Variants in CSMD1 observed in about 807,000 individuals in gnomAD.
The protein encoded by CSMD1 is CUB and sushi domain-containing protein 1.
Under a neutral mutation model 417.5 loss-of-function variants are expected in CSMD1, and 213 were observed. The observed-to-expected ratio is 0.51, with a 90% CI of 0.46 to 0.57. CSMD1 has a LOEUF of 0.57. Among genes scored for constraint, CSMD1 ranks in the 20% least tolerant of loss-of-function variants. The probability of loss-of-function intolerance (pLI) is 0.00; values close to 1 mark genes in which losing one functional copy is unlikely to be tolerated. For synonymous variants in CSMD1, 2,862 were observed against 1,736.8 expected, an observed-to-expected ratio of 1.65 and a Z score of -16.11; for missense variants, 6,923 against 4,529.7, an observed-to-expected ratio of 1.53 and a Z score of -15.17.
intron 41 of CSMD1, among the ~76,000 whole-genome samples, chr8:3,123,073 GT>G (rs1262080733): frequency 6.6e-6 from 1 of 152,138 alleles, no homozygotes; most frequent in Non-Finnish European, 1.5e-5. Flanking sequence ...ATGATTGATT[GT>G]TTTTGTTGTT....
intron 18 of CSMD1, among the ~76,000 whole-genome samples, chr8:3,377,943 T>C (rs1810411558): frequency 6.6e-6 from 1 of 152,314 alleles, no homozygotes; most frequent in South Asian, 2.1e-4. Context: ...AGCTGAATAT[T>C]AAAAGAATTG....
intron 8 of CSMD1, among the ~76,000 whole-genome samples, chr8:3,610,895 T>A (rs914972478): frequency 6.6e-6 from 1 of 151,948 alleles, no homozygotes; most frequent in African/African-American, 2.4e-5. Context: ...CCATTGACAG[T>A]GCAGAAACAA....
intron 3 of CSMD1, among the ~76,000 whole-genome samples, chr8:4,387,287 G>A (rs1803516041): frequency 6.6e-6 from 1 of 151,990 alleles, no homozygotes; most frequent in South Asian, 2.1e-4. Flanking sequence ...TTTAAATTAA[G>A]TCACTCTACT....
chr8:4,832,003 A>G lies in CSMD1; in HGVS notation c.85+162329T>C, dbSNP rs192916133. 6.0e-3 allele frequency among the ~76,000 whole-genome samples: 909 copies of G among 152,314 alleles called. 10 individuals are homozygous for G. The highest frequency in any genetic ancestry group is 0.021 in the African/African-American group (881 of 41,576). On this transcript the variant is annotated intron_variant, in intron 1 of 69. Coordinates refer to ENST00000635120, the MANE Select transcript of CSMD1 (RefSeq NM_033225.6). Reference sequence around the variant, plus strand: ...CCAAATTCCCACTGCACACATAGTCACTTTCAAAAGGAGCTTCCTCCAAGC... The same window carrying G: ...CCAAATTCCCACTGCACACATAGTCGCTTTCAAAAGGAGCTTCCTCCAAGC...
chr8:4,657,137 T>C (rs142243225), intron 1 of CSMD1, among the ~76,000 whole-genome samples: 9 of 152,268 alleles, frequency 5.9e-5, no homozygotes, highest in Non-Finnish European at 1.2e-4. Context: ...CATCCCTGCA[T>C]AGTGGGAAAC....
chr8:3,831,279 G>A (rs940578498), intron 5 of CSMD1, among the ~76,000 whole-genome samples: 7 of 152,246 alleles, frequency 4.6e-5, no homozygotes, highest in Admixed American at 4.6e-4. Context: ...CTGCTCGTCA[G>A]GGGAGCTGCC....
At chr8:4,165,242 G>C (rs1489575851) in intron 3 of CSMD1, among the ~76,000 whole-genome samples, 1 of 152,180 alleles carries the variant, frequency 6.6e-6, no homozygotes, top group East Asian at 1.9e-4. Flanking sequence ...CTTTTCAAAA[G>C]GACATGGAGG....
At chr8:4,360,478 C>T (rs1219734862) in intron 3 of CSMD1, among the ~76,000 whole-genome samples, 1 of 152,102 alleles carries the variant, frequency 6.6e-6, no homozygotes, top group Admixed American at 6.5e-5. Flanking sequence ...TTTTTTCTTG[C>T]ACATACTTCC....
intron 48 of CSMD1, among the ~76,000 whole-genome samples, chr8:3,089,194 G>C (rs910289257): frequency 1.3e-5 from 2 of 152,214 alleles, no homozygotes; most frequent in East Asian, 3.8e-4. Context: ...CACTCTGCTG[G>C]TGCAGCCTCG....
At position 4,758,638 on chromosome 8, in the gene CSMD1, G is replaced by A. The variant is rs960251535; in HGVS notation, c.86-121080C>T. ...ATTGACTCAGTTCCACATGGCTGGGGAGGCCTCAGGAAACTTACAATCATG... is the reference window on the plus strand; with the variant it reads ...ATTGACTCAGTTCCACATGGCTGGGAAGGCCTCAGGAAACTTACAATCATG... On this transcript the variant is annotated intron_variant, in intron 1 of 69. Transcript: ENST00000635120. Among the ~76,000 whole-genome samples the A allele has an allele frequency of 2.6e-5, 4 of 152,274 alleles. No homozygotes were observed. The East Asian group carries it at 7.7e-4, about 29-fold the overall frequency.
In CSMD1 at chr8:3,107,698, T is replaced by C. The variant is rs1349367846; in HGVS notation, c.6835+20A>G. On this transcript the variant is annotated intron_variant, in intron 45 of 69. Transcript: ENST00000635120. ...AAATGTCGTGCTGAATTCATGGTAT[T>C]GTAATGAAGAAAGTATTACCTATTT... 2 of 1,403,908 alleles carry C rather than the reference T, an allele frequency of 1.4e-6. No individual in the cohort carries two copies. Among genetic ancestry groups the C allele is most frequent in the Non-Finnish European group, 2.0e-6 (2 of 999,004 alleles). 87.0% of individuals were successfully genotyped at this position (1,403,908 alleles called of 1,614,324 possible).
chr8:4,218,029 C>T (rs1800788002), intron 3 of CSMD1, among the ~76,000 whole-genome samples: 1 of 152,156 alleles, frequency 6.6e-6, no homozygotes, highest in South Asian at 2.1e-4. Context: ...CTATGCTTTA[C>T]TGATGGGTTT....
At chr8:3,532,264 G>A (rs751358481) in intron 10 of CSMD1, among the ~76,000 whole-genome samples, 5 of 152,116 alleles carry the variant, frequency 3.3e-5, no homozygotes, top group Non-Finnish European at 7.4e-5. Flanking sequence ...CAGACAATGA[G>A]GCCACTTCAC....
chr8:4,079,492 A>G (rs920241661), intron 3 of CSMD1, among the ~76,000 whole-genome samples: 2 of 152,202 alleles, frequency 1.3e-5, no homozygotes, highest in Non-Finnish European at 2.9e-5. Flanking sequence ...GCAAATTATT[A>G]TTGTGCCTAT....
chr8:3,723,482 T>G (rs2720804), intron 6 of CSMD1, among the ~76,000 whole-genome samples: 1 of 152,158 alleles, frequency 6.6e-6, no homozygotes, highest in African/African-American at 2.4e-5. Context: ...TCCTGTGTAT[T>G]CTCTTCAGAT....
chr8:3,241,537 G>C lies in CSMD1; in HGVS notation c.4154-11306C>G, dbSNP rs577958052. On this transcript the variant is annotated intron_variant, in intron 26 of 69. Coordinates refer to ENST00000635120, the MANE Select transcript of CSMD1 (RefSeq NM_033225.6). ...GTGAGTCAGAGAGTCTTGGGCCAGAGTTCCAGGGGCTCTGGGAGTGGCTGC... is the reference window on the plus strand; with the variant it reads ...GTGAGTCAGAGAGTCTTGGGCCAGACTTCCAGGGGCTCTGGGAGTGGCTGC... Among the ~76,000 whole-genome samples the C allele has an allele frequency of 1.4e-4, 21 of 152,304 alleles. No homozygotes were observed. In the South Asian group the frequency reaches 3.9e-3, roughly 29 times the overall value.
At chr8:4,775,584 G>T (rs570431579) in intron 1 of CSMD1, among the ~76,000 whole-genome samples, 8 of 152,090 alleles carry the variant, frequency 5.3e-5, no homozygotes, top group East Asian at 1.9e-4. Flanking sequence ...GAATAAAAAA[G>T]ATATTTTAAG....
chr8:4,207,615 G>C (rs920087282), intron 3 of CSMD1, among the ~76,000 whole-genome samples: 1 of 152,014 alleles, frequency 6.6e-6, no homozygotes, highest in Non-Finnish European at 1.5e-5. Context: ...AGTAAGACTG[G>C]CAACATTTTC....
intron 5 of CSMD1, among the ~76,000 whole-genome samples, chr8:3,929,700 C>G (rs546650320): frequency 1.3e-5 from 2 of 149,030 alleles, no homozygotes; most frequent in African/African-American, 2.5e-5. Flanking sequence ...TTCACTCTGT[C>G]TCCCAGGCTG....
Sources: gnomAD v4.1 joint callset for allele counts (sites outside exome capture counted in the v4.1 genomes callset) on GRCh38, gnomAD v4.1.1 for gene constraint, MANE v1.5 for transcripts, NCBI Gene and HGNC (gene_info 2026-07-23, HGNC 2026-07-21) for gene names.